C10orf90: variants seen among roughly 807,000 people sequenced by gnomAD.
The protein encoded by C10orf90 is chromosome 10 open reading frame 90, also known as (E2-independent) E3 ubiquitin-conjugating enzyme FATS.
Under a neutral mutation model 62.5 loss-of-function variants are expected in C10orf90, and 56 were observed. The observed-to-expected ratio is 0.90, with a 90% CI of 0.72 to 1.12. The LOEUF is 1.12. Ranked by LOEUF, C10orf90 falls within the 50% of genes most tolerant of loss-of-function variation. The pLI, the probability that C10orf90 is intolerant of heterozygous loss-of-function variation, is 0.00. For synonymous variants in C10orf90, 386 were observed against 340.4 expected, an observed-to-expected ratio of 1.13 and a Z score of -1.47; for missense variants, 970 against 880.4, an observed-to-expected ratio of 1.10 and a Z score of -1.29.
intron 2 of C10orf90, among the ~76,000 whole-genome samples, chr10:126,534,040 A>C (rs1864171093): frequency 6.6e-6 from 1 of 152,140 alleles, no homozygotes; most frequent in Non-Finnish European, 1.5e-5. Context: ...AGGGAGGAGG[A>C]GATGTGAGGA....
intron 4 of C10orf90, among the ~76,000 whole-genome samples, chr10:126,482,656 T>A (rs546644920): frequency 3.3e-5 from 5 of 152,268 alleles, no homozygotes; most frequent in African/African-American, 1.2e-4. Context: ...TTTCCCTGGA[T>A]TAAAATTACA....
chr10:126,475,156 A>C (rs1276729252), intron 4 of C10orf90, among the ~76,000 whole-genome samples: 1 of 152,172 alleles, frequency 6.6e-6, no homozygotes, highest in African/African-American at 2.4e-5. Context: ...AGAGTCTTTG[A>C]GCTAATGAGC....
chr10:126,483,537 G>A (rs150615340), intron 4 of C10orf90, among the ~76,000 whole-genome samples: 58 of 152,246 alleles, frequency 3.8e-4, no homozygotes, highest in African/African-American at 1.0e-3. Context: ...TGAAATGATC[G>A]GTGATATTTT....
chr10:126,668,043 T>G (rs1460419473), intron 1 of C10orf90, among the ~76,000 whole-genome samples: 1 of 152,138 alleles, frequency 6.6e-6, no homozygotes, highest in African/African-American at 2.4e-5. Context: ...ATCCCTGGGC[T>G]GCAGTTCAGC....
At chr10:126,614,990 G>C (rs1845511586) in intron 2 of C10orf90, among the ~76,000 whole-genome samples, 1 of 152,160 alleles carries the variant, frequency 6.6e-6, no homozygotes, top group African/African-American at 2.4e-5. Context: ...TGCTGCTTCT[G>C]TTCTGGCTGG....
At chr10:126,426,185 C>G (rs572584358) in intron 8 of C10orf90, 95 bp from the exon 9 acceptor site, 7 of 1,012,364 alleles carry the variant, frequency 6.9e-6, no homozygotes, top group Non-Finnish European at 1.1e-5. Flanking sequence ...TCTTACATTT[C>G]AAAGAGAAGA....
chr10:126,640,210 C>T (rs1240945639), intron 2 of C10orf90, among the ~76,000 whole-genome samples: 1 of 152,172 alleles, frequency 6.6e-6, no homozygotes, highest in African/African-American at 2.4e-5. Flanking sequence ...CCAAGCAGAC[C>T]CCATCCAAGC....
intron 7 of C10orf90, among the ~76,000 whole-genome samples, chr10:126,432,371 A>G (rs1447635274): frequency 6.6e-6 from 1 of 152,174 alleles, no homozygotes; most frequent in East Asian, 1.9e-4. Context: ...TTCCTTCTAC[A>G]TTTAACGAGC....
chr10:126,529,104 T>C (rs1417774089), intron 2 of C10orf90, among the ~76,000 whole-genome samples: 5 of 152,158 alleles, frequency 3.3e-5, no homozygotes, highest in East Asian at 1.9e-4. Context: ...TCAGTGGATA[T>C]ACACAATAAA....
intron 1 of C10orf90, among the ~76,000 whole-genome samples, chr10:126,652,693 A>C (rs776435015): frequency 5.9e-4 from 90 of 152,210 alleles, no homozygotes; most frequent in Non-Finnish European, 9.4e-4. Context: ...TTCTATGCAA[A>C]CATCAGCCAT....
chr10:126,563,484 G>A (rs1864950238), intron 2 of C10orf90, among the ~76,000 whole-genome samples: 3 of 152,174 alleles, frequency 2.0e-5, no homozygotes, highest in Non-Finnish European at 4.4e-5. Flanking sequence ...TCTGGAGCCT[G>A]TTTTTCTATC....
At chr10:126,468,938 A>G (rs192476168) in intron 4 of C10orf90, among the ~76,000 whole-genome samples, 8 of 152,330 alleles carry the variant, frequency 5.3e-5, no homozygotes, top group East Asian at 1.9e-4. Flanking sequence ...ATACTTTATT[A>G]TCTCTCCAAA....
intron 2 of C10orf90, among the ~76,000 whole-genome samples, chr10:126,600,259 G>A (rs1845173455): frequency 6.6e-6 from 1 of 152,244 alleles, no homozygotes; most frequent in Non-Finnish European, 1.5e-5. Flanking sequence ...CAGCTCACCG[G>A]CGTTGGCATG....
intron 7 of C10orf90, among the ~76,000 whole-genome samples, chr10:126,448,018 T>TTG (rs1858902830): frequency 3.5e-5 from 1 of 28,458 alleles, no homozygotes; most frequent in Non-Finnish European, 7.9e-5. Flanking sequence ...TGCCTGGCTC[T>TTG]TTTTTTTTTT....
intron 2 of C10orf90, among the ~76,000 whole-genome samples, chr10:126,548,531 T>C (rs1591088046): frequency 6.6e-6 from 1 of 152,268 alleles, no homozygotes; most frequent in Middle Eastern, 3.4e-3. Flanking sequence ...CACACCCAGC[T>C]AATTTTTGTA....
At position 126,445,805 on chromosome 10, in the gene C10orf90, G is replaced by GTATATATATATATATATATATATATA. The variant is rs71029302; in HGVS notation, c.2188+13234_2188+13235insTATATATATATATATATATATATATA. ...AATGAGTAGATAAAGAAACTGTGGTGTATATATATATATATATATATACAA... is the reference window on the plus strand; with the variant it reads ...AATGAGTAGATAAAGAAACTGTGGTGTATATATATATATATATATATATATATATATATATATATATATATATACAA... On this transcript the variant is annotated intron_variant, in intron 7 of 9. Coordinates refer to ENST00000488181, the MANE Select transcript of C10orf90 (RefSeq NM_001350921.2). Among the ~76,000 whole-genome samples the GTATATATATATATATATATATATATA allele has an allele frequency of 1.2e-4, 12 of 100,744 alleles. No individual in the cohort carries two copies. The East Asian group carries it at 2.3e-3, about 19-fold the overall frequency. 66.1% of individuals were successfully genotyped at this position (100,744 alleles called of 152,430 possible). A position where few individuals can be genotyped will look rare whatever the true frequency, so the allele number is the denominator to read the frequency against.
At chr10:126,497,345 C>T (rs529111085) in intron 4 of C10orf90, among the ~76,000 whole-genome samples, 30 of 151,532 alleles carry the variant, frequency 2.0e-4, no homozygotes, top group Non-Finnish European at 3.5e-4. Context: ...AAAGCTCTTC[C>T]GGGACAGGAA....
chr10:126,476,716 G>A (rs1004147852), intron 4 of C10orf90, among the ~76,000 whole-genome samples: 1 of 152,182 alleles, frequency 6.6e-6, no homozygotes, highest in Non-Finnish European at 1.5e-5. Flanking sequence ...TCTTCGCTGA[G>A]AGTAACTCAT....
chr10:126,579,690 C>G (rs964099247), intron 2 of C10orf90, among the ~76,000 whole-genome samples: 8 of 151,676 alleles, frequency 5.3e-5, no homozygotes, highest in African/African-American at 1.9e-4. Context: ...GGGGTGATCT[C>G]TTACTGAAAT....
Sources: gnomAD v4.1 joint callset for allele counts (sites outside exome capture counted in the v4.1 genomes callset) on GRCh38, gnomAD v4.1.1 for gene constraint, MANE v1.5 for transcripts, NCBI Gene and HGNC (gene_info 2026-07-23, HGNC 2026-07-21) for gene names.